Variants in DNAAF11 observed in about 807,000 individuals in gnomAD.
DNAAF11 encodes leucine rich repeat containing 6.
DNAAF11 carries 45 observed loss-of-function variants against 60.8 expected under a neutral mutation model. The observed-to-expected ratio is 0.74, with a 90% CI of 0.58 to 0.95. DNAAF11 has a LOEUF of 0.95. Among genes scored for constraint, DNAAF11 ranks in the 40% least tolerant of loss-of-function variants. DNAAF11 has a pLI of 0.00. For missense variants in DNAAF11, 546 were observed against 546.2 expected, an observed-to-expected ratio of 1.00 and a Z score of 0.00; for synonymous variants, 191 against 183.5, an observed-to-expected ratio of 1.04 and a Z score of -0.33.
chr8:132,610,655 C>G (rs1279281471), intron 9 of DNAAF11, among the ~76,000 whole-genome samples: 1 of 152,056 alleles, frequency 6.6e-6, no homozygotes, highest in East Asian at 1.9e-4. Flanking sequence ...TCATTGACAA[C>G]TTAGAATGGG....
rs1479794842 is a variant in DNAAF11 at position 132,571,298 on chromosome 8, A to G, written c.*1008T>C. On this transcript the variant is annotated 3_prime_UTR_variant, in exon 12 of 12. Transcript: ENST00000620350. Reference sequence around the variant, plus strand: ...ATGAACAGAGAGGGGGCTAGCACTCAATAGTTGCTCAATAAGTATTTGTTG... The same window carrying G: ...ATGAACAGAGAGGGGGCTAGCACTCGATAGTTGCTCAATAAGTATTTGTTG... 6.6e-6 allele frequency among the ~76,000 whole-genome samples: 1 copy of G among 152,198 alleles called. No individual in the cohort carries two copies. Among genetic ancestry groups the G allele is most frequent in the Non-Finnish European group, 1.5e-5 (1 of 68,038 alleles).
chr8:132,592,999 T>A (rs1034429281), intron 10 of DNAAF11, among the ~76,000 whole-genome samples: 18 of 151,708 alleles, frequency 1.2e-4, no homozygotes, highest in Non-Finnish European at 1.0e-4. Context: ...ATTCAATGGA[T>A]AAGATCAATC....
At chr8:132,697,261 C>A in the DNAAF11 span, among the ~76,000 whole-genome samples, 1 of 152,144 alleles carries the variant, frequency 6.6e-6, no homozygotes, top group East Asian at 1.9e-4. Context: ...GCCTGCATAA[C>A]TGTAAAACTA....
chr8:132,674,208 A>AAGG (rs1156948499), intron 1 of DNAAF11, among the ~76,000 whole-genome samples: 1 of 127,090 alleles, frequency 7.9e-6, no homozygotes, highest in Admixed American at 7.5e-5. Context: ...GGAGGAGGAG[A>AAGG]AGGAGGAGGA....
At chr8:132,680,309 A>G (rs1563732592), upstream of DNAAF11, among the ~76,000 whole-genome samples, 1 of 152,206 alleles carries the variant, frequency 6.6e-6, no homozygotes, top group Non-Finnish European at 1.5e-5. Flanking sequence ...AAGATGAGCT[A>G]TGCTTCCTGA....
intron 10 of DNAAF11, among the ~76,000 whole-genome samples, chr8:132,589,799 T>C (rs916880747): frequency 4.6e-5 from 7 of 152,214 alleles, no homozygotes; most frequent in African/African-American, 1.7e-4. Context: ...GAGGTAGGTC[T>C]TGGACTCTGC....
chr8:132,655,007 C>T (rs896151338), intron 3 of DNAAF11, among the ~76,000 whole-genome samples: 15 of 151,234 alleles, frequency 9.9e-5, no homozygotes, highest in Non-Finnish European at 1.8e-4. Context: ...ATTGACAAAC[C>T]GTTAGCTGCA....
intron 10 of DNAAF11, among the ~76,000 whole-genome samples, chr8:132,599,631 A>G (rs1215197645): frequency 1.3e-5 from 2 of 152,234 alleles, no homozygotes; most frequent in African/African-American, 2.4e-5. Context: ...TATGCAAATC[A>G]ATAAATGTAA....
chr8:132,641,414 T>C (rs556492075), intron 3 of DNAAF11, among the ~76,000 whole-genome samples: 5 of 152,196 alleles, frequency 3.3e-5, no homozygotes, highest in African/African-American at 1.2e-4. Context: ...CCATTAGAAC[T>C]TAAGCTCCAT....
chr8:132,637,006 G>A (rs780157254), intron 4 of DNAAF11, among the ~76,000 whole-genome samples: 18 of 152,172 alleles, frequency 1.2e-4, no homozygotes, highest in Non-Finnish European at 2.2e-4. Context: ...GCCACATGCA[G>A]GCTGGGAACT....
intron 10 of DNAAF11, among the ~76,000 whole-genome samples, chr8:132,601,255 T>C (rs1263643543): frequency 6.6e-6 from 1 of 152,138 alleles, no homozygotes; most frequent in East Asian, 1.9e-4. Context: ...ATGGCTATCA[T>C]TAAAAAGTCA....
At position 132,615,105 on chromosome 8, in the gene DNAAF11, T is replaced by A; in HGVS notation, c.915-8A>T. 1 of 1,592,710 alleles carries A rather than the reference T, an allele frequency of 6.3e-7. No homozygotes were observed. Among genetic ancestry groups the A allele is most frequent in the Non-Finnish European group, 8.6e-7 (1 of 1,161,652 alleles). ...TTCAAAGAGAAGTCAATTCTAAGAATAACACATTTGGTGGGAAAAAAGAGA... is the reference window on the plus strand; with the variant it reads ...TTCAAAGAGAAGTCAATTCTAAGAAAAACACATTTGGTGGGAAAAAAGAGA... On this transcript the variant is annotated splice_region_variant and splice_polypyrimidine_tract_variant and intron_variant, in intron 7 of 11. Transcript: ENST00000620350.
At chr8:132,573,343 G>C (rs1211532470) in intron 11 of DNAAF11, among the ~76,000 whole-genome samples, 1 of 152,164 alleles carries the variant, frequency 6.6e-6, no homozygotes, top group Non-Finnish European at 1.5e-5. Flanking sequence ...TCCAGGTGTT[G>C]TATAGGCACC....
intron 9 of DNAAF11, among the ~76,000 whole-genome samples, chr8:132,610,764 GA>G (rs1818578264): frequency 6.6e-6 from 1 of 152,154 alleles, no homozygotes; most frequent in Non-Finnish European, 1.5e-5. Context: ...AAATATTAAT[GA>G]TATCCAACTA....
the DNAAF11 span, among the ~76,000 whole-genome samples, chr8:132,682,800 G>A: frequency 2.6e-5 from 4 of 152,180 alleles, no homozygotes; most frequent in African/African-American, 9.7e-5. Context: ...ATCTACATCT[G>A]GTAAGGGCTT....
intron 4 of DNAAF11, among the ~76,000 whole-genome samples, chr8:132,634,150 T>C (rs1313737389): frequency 6.6e-6 from 1 of 152,164 alleles, no homozygotes; most frequent in African/African-American, 2.4e-5. Flanking sequence ...AAAAAGATAA[T>C]GCCACATATG....
the DNAAF11 span, among the ~76,000 whole-genome samples, chr8:132,682,863 A>G: frequency 6.6e-6 from 1 of 152,230 alleles, no homozygotes; most frequent in African/African-American, 2.4e-5. Flanking sequence ...ATGTGCAGTG[A>G]CTACAAGGCA....
the DNAAF11 span, among the ~76,000 whole-genome samples, chr8:132,681,003 CTTTTTTTTTTT>C: frequency 2.3e-4 from 12 of 52,336 alleles, 1 homozygote; most frequent in East Asian, 5.7e-3. Flanking sequence ...ATAACTATTC[CTTTTTTTTTTT>C]TTTTTTTTTT....
intron 4 of DNAAF11, among the ~76,000 whole-genome samples, chr8:132,637,378 G>C (rs62514512): frequency 6.6e-6 from 1 of 152,180 alleles, no homozygotes; most frequent in African/African-American, 2.4e-5. Flanking sequence ...GGCCGAGGCA[G>C]GTGGATCACC....
Sources: allele counts gnomAD v4.1 joint callset (sites outside exome capture counted in the v4.1 genomes callset), GRCh38; gene constraint gnomAD v4.1.1; transcripts MANE v1.5; gene names NCBI Gene and HGNC (gene_info 2026-07-23, HGNC 2026-07-21).